Variants in PDE7B observed in about 807,000 individuals in gnomAD.
PDE7B encodes the protein phosphodiesterase 7B.
A neutral mutation model predicts 56.2 loss-of-function variants in PDE7B; 29 were observed. The ratio of observed to expected loss-of-function variants is 0.52; its 90% CI spans 0.38 to 0.70. PDE7B has a LOEUF of 0.70. Ranked by LOEUF, PDE7B falls within the 30% of genes least tolerant of loss-of-function variation. The pLI is 0.00. For synonymous variants in PDE7B, 197 were observed against 196.9 expected (o/e 1.00, Z 0.00); for missense variants, 490 against 565.0 (o/e 0.87, Z 1.35).
chr6:135,909,174 GA>G (rs992515161), intron 1 of PDE7B, among the ~76,000 whole-genome samples: 7 of 151,136 alleles, frequency 4.6e-5, no homozygotes, highest in African/African-American at 1.5e-4. Flanking sequence ...ATTTTAAAAA[GA>G]AAAAAAAATT....
At chr6:136,013,215 G>A (rs1775922615) in intron 2 of PDE7B, among the ~76,000 whole-genome samples, 1 of 151,970 alleles carries the variant, frequency 6.6e-6, no homozygotes, top group African/African-American at 2.4e-5. Flanking sequence ...ATTTTTTTAT[G>A]AATAACAAAT....
intron 2 of PDE7B, among the ~76,000 whole-genome samples, chr6:136,036,823 A>G (rs1447707460): frequency 6.6e-6 from 1 of 152,212 alleles, no homozygotes; most frequent in Non-Finnish European, 1.5e-5. Context: ...GATTGTTACA[A>G]TGTTCTCCAA....
chr6:136,048,101 CA>C (rs921897397), intron 2 of PDE7B, among the ~76,000 whole-genome samples: 3 of 151,262 alleles, frequency 2.0e-5, no homozygotes, highest in South Asian at 2.1e-4. Context: ...GACAGACAGA[CA>C]GACAGACAGA....
At chr6:136,191,013 C>CTTTTTTTTTTTTTTTTTTTTTTT (rs752187218) in intron 12 of PDE7B, among the ~76,000 whole-genome samples, 3 of 99,350 alleles carry the variant, frequency 3.0e-5, no homozygotes, top group African/African-American at 2.7e-4. Flanking sequence ...CCAGCATACA[C>CTTTTTTTTTTTTTTTTTTTTTTT]TTTTTTTTTT....
chr6:136,042,590 C>T (rs1776431510), intron 2 of PDE7B, among the ~76,000 whole-genome samples: 1 of 152,148 alleles, frequency 6.6e-6, no homozygotes. Flanking sequence ...GCCATTGTAA[C>T]GTCTCCTGCC....
chr6:136,053,843 T>G (rs2128211584), intron 2 of PDE7B, among the ~76,000 whole-genome samples: 1 of 152,332 alleles, frequency 6.6e-6, no homozygotes, highest in Non-Finnish European at 1.5e-5. Context: ...GTTTTTTGGC[T>G]GCACAAATGT....
At chr6:135,864,283 T>A (rs1775209909) in intron 1 of PDE7B, among the ~76,000 whole-genome samples, 1 of 152,152 alleles carries the variant, frequency 6.6e-6, no homozygotes, top group Non-Finnish European at 1.5e-5. Flanking sequence ...CTTTATATAA[T>A]GTAAATCTTT....
intron 1 of PDE7B, among the ~76,000 whole-genome samples, chr6:135,913,342 C>T (rs1003864067): frequency 6.6e-6 from 1 of 152,170 alleles, no homozygotes; most frequent in Non-Finnish European, 1.5e-5. Context: ...AGATGCCCAG[C>T]CTGGTGCTGC....
In PDE7B at chr6:136,192,038, C is replaced by T. The variant is rs1163610550; in HGVS notation, c.*198C>T. The T allele has an allele frequency of 6.8e-6, 4 of 588,832 alleles. No individual in the cohort carries two copies. The highest frequency in any genetic ancestry group is 1.2e-5 in the Non-Finnish European group (4 of 329,408). 36.5% of individuals were successfully genotyped at this position (588,832 alleles called of 1,614,324 possible). ...AGAAGCCATTTGTCACCTCAGCATT[C>T]GCTGCCGAAATGAGCAACTCCATTC... On this transcript the variant is annotated 3_prime_UTR_variant, in exon 13 of 13. Coordinates refer to ENST00000308191, the MANE Select transcript of PDE7B (RefSeq NM_018945.4).
intron 2 of PDE7B, among the ~76,000 whole-genome samples, chr6:136,026,535 A>G (rs943316457): frequency 6.6e-6 from 1 of 152,236 alleles, no homozygotes; most frequent in African/African-American, 2.4e-5. Context: ...GCAGCCAGAT[A>G]TGATGATAAG....
At chr6:136,106,792 A>G (rs1562494516) in intron 2 of PDE7B, among the ~76,000 whole-genome samples, 1 of 152,210 alleles carries the variant, frequency 6.6e-6, no homozygotes, top group Non-Finnish European at 1.5e-5. Context: ...GGAGAGAAAA[A>G]CACTTCAACT....
chr6:136,074,361 A>G (rs1777097995), intron 2 of PDE7B, among the ~76,000 whole-genome samples: 1 of 152,138 alleles, frequency 6.6e-6, no homozygotes, highest in Admixed American at 6.5e-5. Flanking sequence ...ACAGGCATAC[A>G]ATGCATCATA....
At chr6:136,063,120 C>A (rs143769275) in intron 2 of PDE7B, among the ~76,000 whole-genome samples, 2 of 152,134 alleles carry the variant, frequency 1.3e-5, no homozygotes, top group Non-Finnish European at 2.9e-5. Flanking sequence ...CTAGTATTAG[C>A]GACCCTGCCT....
At chr6:135,892,076 T>TAA (rs1339024588) in intron 1 of PDE7B, among the ~76,000 whole-genome samples, 1 of 152,202 alleles carries the variant, frequency 6.6e-6, no homozygotes, top group African/African-American at 2.4e-5. Context: ...GTTTACTATG[T>TAA]ACCCAGTGAG....
chr6:136,139,765 C>T (rs949720828), intron 3 of PDE7B, among the ~76,000 whole-genome samples: 10 of 152,188 alleles, frequency 6.6e-5, no homozygotes, highest in African/African-American at 1.9e-4. Context: ...GCATAAATGT[C>T]TTCTTTTGAG....
chr6:135,934,060 T>C (rs932717451), intron 1 of PDE7B, among the ~76,000 whole-genome samples: 2 of 152,154 alleles, frequency 1.3e-5, no homozygotes, highest in Non-Finnish European at 2.9e-5. Context: ...TTTTAGTTAC[T>C]CCAATAGATA....
chr6:135,971,230 A>G lies in PDE7B; in HGVS notation c.82+23706A>G, dbSNP rs942244879. ...CACATATAGACATCTTCACGCAAACATGAAGGCAGTCATCGACAAGCCAAA... is the reference window on the plus strand; with the variant it reads ...CACATATAGACATCTTCACGCAAACGTGAAGGCAGTCATCGACAAGCCAAA... On this transcript the variant is annotated intron_variant, in intron 2 of 12. Coordinates refer to ENST00000308191, the MANE Select transcript of PDE7B (RefSeq NM_018945.4). Among the ~76,000 whole-genome samples, 11 of 152,344 alleles carry G rather than the reference A, an allele frequency of 7.2e-5. 1 individual carries two copies. The highest frequency in any genetic ancestry group is 7.2e-4 in the Admixed American group (11 of 15,292).
At chr6:136,004,934 C>T (rs374389043) in intron 2 of PDE7B, among the ~76,000 whole-genome samples, 1,927 of 152,018 alleles carry the variant, frequency 0.013, 48 homozygotes, top group African/African-American at 0.039. Context: ...GGAGGCATCA[C>T]GCTACCTGAC....
At chr6:136,070,158 AAC>A (rs571314175) in intron 2 of PDE7B, 280 of 152,126 alleles carry the variant, frequency 1.8e-3, no homozygotes, top group African/African-American at 6.6e-3. Context: ...AAAAAAAAAA[AAC>A]AGAAGATTTA....
Sources: allele counts gnomAD v4.1 joint callset (sites outside exome capture counted in the v4.1 genomes callset), GRCh38; gene constraint gnomAD v4.1.1; transcripts MANE v1.5; gene names NCBI Gene and HGNC (gene_info 2026-07-23, HGNC 2026-07-21).